DMXL1: variants seen among roughly 807,000 people sequenced by gnomAD.
The protein encoded by DMXL1 is dmX-like protein 1.
In DMXL1, 99 loss-of-function variants were observed where a neutral mutation model predicts 319.2. The observed-to-expected ratio is 0.31, with a 90% CI of 0.26 to 0.37. The LOEUF (loss-of-function observed/expected upper bound fraction) is 0.37, where lower values mean the gene tolerates loss of function less well. Among genes scored for constraint, DMXL1 ranks in the 10% least tolerant of loss-of-function variants. The pLI, the probability that DMXL1 is intolerant of heterozygous loss-of-function variation, is 1.00. For missense variants in DMXL1, 3,745 were observed against 3,595.6 expected (o/e 1.04, Z -1.06); for synonymous variants, 1,385 against 1,235.2 (o/e 1.12, Z -2.54).
intron 19 of DMXL1, among the ~76,000 whole-genome samples, chr5:119,159,484 A>T (rs1436487439): frequency 6.6e-6 from 1 of 152,190 alleles, no homozygotes; most frequent in Admixed American, 6.5e-5. Flanking sequence ...CAGTTCTGGC[A>T]GGTTGTCTGT....
At position 119,122,385 on chromosome 5, in the gene DMXL1, G is replaced by A. The variant is rs535356770; in HGVS notation, c.1102+1246G>A. Among the ~76,000 whole-genome samples, 916 of 149,814 alleles carry A rather than the reference G, an allele frequency of 6.1e-3. 9 individuals carry two copies. Among genetic ancestry groups the A allele is most frequent in the Admixed American group, 0.013 (196 of 15,176 alleles). On this transcript the variant is annotated intron_variant, in intron 9 of 43. Coordinates refer to ENST00000539542, the MANE Select transcript of DMXL1 (RefSeq NM_001290321.3). ...GGGCTCCTCACTTCCCAGTAGGGGC[G>A]ACCGGGCAGAGGCGCCCCTCACCTC...
intron 40 of DMXL1, 196 bp from the exon 41 acceptor site, chr5:119,238,793 G>A (rs11748383): frequency 0.023 from 16,054 of 699,964 alleles, 238 homozygotes; most frequent in South Asian, 0.041. Context: ...ATGTTAAAAA[G>A]TTGCTGCATC....
At chr5:119,246,406 T>G (rs192576824) in intron 43 of DMXL1, among the ~76,000 whole-genome samples, 12 of 152,274 alleles carry the variant, frequency 7.9e-5, no homozygotes, top group Admixed American at 5.2e-4. Flanking sequence ...TTCTGTAGCA[T>G]TGTACACTTA....
chr5:119,134,216 G>T lies in DMXL1; in HGVS notation c.2254+38G>T, dbSNP rs769538895. Reference sequence around the variant, plus strand: ...GTTTTTATTACAGTAATTTAGATTTGCTGACATTATCATCAAAGGGTGAAA... The same window carrying T: ...GTTTTTATTACAGTAATTTAGATTTTCTGACATTATCATCAAAGGGTGAAA... On this transcript the variant is annotated intron_variant, in intron 12 of 43. Coordinates refer to ENST00000539542, the MANE Select transcript of DMXL1 (RefSeq NM_001290321.3). 14 of 1,605,902 alleles carry T rather than the reference G, an allele frequency of 8.7e-6. No homozygotes were observed. The South Asian group carries it at 1.2e-4, about 14-fold the overall frequency.
intron 2 of DMXL1, among the ~76,000 whole-genome samples, chr5:119,101,104 C>T (rs944843393): frequency 6.6e-6 from 1 of 151,978 alleles, no homozygotes; most frequent in Non-Finnish European, 1.5e-5. Flanking sequence ...CATACTATGC[C>T]CTATTTATAA....
chr5:119,133,261 T>C lies in DMXL1; in HGVS notation c.1445T>C (p.Leu482Pro). 1 of 1,614,202 alleles carries C rather than the reference T, an allele frequency of 6.2e-7. No individual in the cohort carries two copies. The highest frequency in any genetic ancestry group is 2.2e-5 in the East Asian group (1 of 44,876). ...SAAIDHQIEV[L>P]LSEWSKNADM... ...GCCATTGATCATCAGATTGAAGTAC[T>C]TCTGTCTGAATGGAGTAAAAATGCA... The change falls in exon 11 of 44, where the codon CTT becomes CCT. Residue 482 changes from leucine (L) to proline (P), a missense_variant. Physicochemically the swap from Leu to Pro is moderately conservative, Grantham distance 98 (BLOSUM62 -3). Coordinates refer to ENST00000539542, the MANE Select transcript of DMXL1 (RefSeq NM_001290321.3).
At chr5:119,073,958 G>T (rs1423040232) in intron 1 of DMXL1, among the ~76,000 whole-genome samples, 27 of 149,452 alleles carry the variant, frequency 1.8e-4, no homozygotes, top group African/African-American at 6.4e-4. Flanking sequence ...CGCTGTCGTT[G>T]CCCAGGCTGG....
At chr5:119,073,552 T>C (rs1218696279) in intron 1 of DMXL1, among the ~76,000 whole-genome samples, 1 of 152,232 alleles carries the variant, frequency 6.6e-6, no homozygotes, top group East Asian at 1.9e-4. Flanking sequence ...ATGGTCATCC[T>C]GTACCATCAT....
At chr5:119,202,051 T>C (rs1394008525) in intron 32 of DMXL1, among the ~76,000 whole-genome samples, 2 of 152,200 alleles carry the variant, frequency 1.3e-5, no homozygotes, top group African/African-American at 4.8e-5. Context: ...TGAATGGTTT[T>C]GTGTGTCTCA....
At chr5:119,157,835 T>G (rs993272320) in intron 19 of DMXL1, among the ~76,000 whole-genome samples, 1 of 152,212 alleles carries the variant, frequency 6.6e-6, no homozygotes, top group Non-Finnish European at 1.5e-5. Context: ...TTTTAGGGTT[T>G]TTTTCTTCTA....
intron 19 of DMXL1, among the ~76,000 whole-genome samples, chr5:119,157,859 TG>T (rs1336874037): frequency 6.6e-6 from 1 of 152,210 alleles, no homozygotes; most frequent in Non-Finnish European, 1.5e-5. Context: ...CTGTGAAAAA[TG>T]ACATCAGTAT....
chr5:119,122,533 C>T (rs1762399966), intron 9 of DMXL1, among the ~76,000 whole-genome samples: 1 of 151,200 alleles, frequency 6.6e-6, no homozygotes, highest in Non-Finnish European at 1.5e-5. Context: ...GGAGAGGCTC[C>T]TCACTTCTCA....
At chr5:119,127,844 T>TGGCATTTTAA (rs751074853) in intron 9 of DMXL1, 1 of 317,370 alleles carries the variant, frequency 3.2e-6, no homozygotes, top group Non-Finnish European at 6.4e-6. Context: ...GTTTTTAAAC[T>TGGCATTTTAA]ATTGGCATTT....
intron 10 of DMXL1, among the ~76,000 whole-genome samples, chr5:119,131,157 T>G (rs1236332972): frequency 6.6e-6 from 1 of 151,096 alleles, no homozygotes; most frequent in African/African-American, 2.4e-5. Context: ...CTGCTGAGTT[T>G]TTTTTTTTTT....
At chr5:119,123,104 C>T (rs1024748354) in intron 9 of DMXL1, among the ~76,000 whole-genome samples, 31 of 152,194 alleles carry the variant, frequency 2.0e-4, no homozygotes, top group Middle Eastern at 3.4e-3. Flanking sequence ...AGCTGGAGAC[C>T]GGCCCGGCCA....
Position 119,194,512 on chromosome 5 carries a change from A to AC in DMXL1, c.7457+543dup, listed in dbSNP as rs536063259. 6.7e-5 allele frequency among the ~76,000 whole-genome samples: 10 copies of AC among 149,010 alleles called. No individual in the cohort carries two copies. In the South Asian group the frequency reaches 2.1e-3, roughly 31 times the overall value. ...TTATCTAGTCTCTATTGATATGTTT[A>AC]CATCTAAAACGTGTATGTTTTACTA... On this transcript the variant is annotated intron_variant, in intron 30 of 43. Coordinates refer to ENST00000539542, the MANE Select transcript of DMXL1 (RefSeq NM_001290321.3).
chr5:119,224,304 C>G (rs1021869570), intron 37 of DMXL1, among the ~76,000 whole-genome samples: 4 of 151,994 alleles, frequency 2.6e-5, no homozygotes, highest in Admixed American at 2.0e-4. Context: ...CAAAGCATAA[C>G]TTTAAAATGA....
chr5:119,165,052 C>A lies in DMXL1; in HGVS notation c.4873-131C>A, dbSNP rs1369221110. ...TGTTATTATTTTATATATACATGCA[C>A]ATATTATTCATATACATATTTTTAA... On this transcript the variant is annotated intron_variant, in intron 20 of 43. Transcript: ENST00000539542. 8 of 613,388 alleles carry A rather than the reference C, an allele frequency of 1.3e-5. No homozygotes were observed. In the East Asian group the frequency reaches 2.3e-4, roughly 18 times the overall value. The allele number at this position is 613,388 out of a possible 1,614,324, so 38.0% of individuals were successfully genotyped here. A position where few individuals can be genotyped will look rare whatever the true frequency, so the allele number is the denominator to read the frequency against.
intron 29 of DMXL1, among the ~76,000 whole-genome samples, chr5:119,193,177 C>G (rs533106364): frequency 2.6e-4 from 39 of 152,126 alleles, no homozygotes; most frequent in Non-Finnish European, 4.7e-4. Context: ...CTACGTACAA[C>G]TTATTGGTGG....
Sources: gnomAD v4.1 joint callset for allele counts (sites outside exome capture counted in the v4.1 genomes callset) on GRCh38, gnomAD v4.1.1 for gene constraint, MANE v1.5 for transcripts, NCBI Gene and HGNC (gene_info 2026-07-23, HGNC 2026-07-21) for gene names.